The following FGF14 variants were observed in gnomAD, a reference collection of about 807,000 sequenced individuals.
FGF14 encodes the protein fibroblast growth factor homologous factor 4.
Under a neutral mutation model 25.5 loss-of-function variants are expected in FGF14, and 5 were observed. The observed-to-expected ratio is 0.20, with a 90% CI of 0.10 to 0.41. The LOEUF (loss-of-function observed/expected upper bound fraction) is 0.41, where lower values mean the gene tolerates loss of function less well. Among genes scored for constraint, FGF14 ranks in the 10% least tolerant of loss-of-function variants. The probability of loss-of-function intolerance (pLI) is 1.00; values close to 1 mark genes in which losing one functional copy is unlikely to be tolerated. For missense variants in FGF14, 222 were observed against 320.1 expected, an observed-to-expected ratio of 0.69 and a Z score of 2.34; for synonymous variants, 138 against 118.3, an observed-to-expected ratio of 1.17 and a Z score of -1.08.
intron 3 of FGF14, among the ~76,000 whole-genome samples, chr13:101,762,659 T>G (rs1427352510): frequency 6.6e-6 from 1 of 152,176 alleles, no homozygotes; most frequent in East Asian, 1.9e-4. Flanking sequence ...CTGCAAATGC[T>G]CCCTTAGTTG....
At chr13:102,248,673 G>A (rs183397480) in intron 1 of FGF14, among the ~76,000 whole-genome samples, 4 of 152,244 alleles carry the variant, frequency 2.6e-5, no homozygotes, top group Admixed American at 6.5e-5. Context: ...ATTGTGAGCC[G>A]TGTATTTTGC....
chr13:101,886,767 A>T (rs902103233), intron 1 of FGF14, among the ~76,000 whole-genome samples: 1 of 152,154 alleles, frequency 6.6e-6, no homozygotes, highest in African/African-American at 2.4e-5. Context: ...CAACCTACAG[A>T]ATGAGAAAAT....
chr13:102,399,622 G>C (rs2058656256), intron 1 of FGF14, among the ~76,000 whole-genome samples: 1 of 152,166 alleles, frequency 6.6e-6, no homozygotes, highest in Non-Finnish European at 1.5e-5. Context: ...GTACATCTTG[G>C]GGTACACTTC....
chr13:102,309,437 G>A (rs7331161), intron 1 of FGF14, among the ~76,000 whole-genome samples: 3,019 of 152,262 alleles, frequency 0.02, 93 homozygotes, highest in African/African-American at 0.069. Context: ...CCTGGGAAGT[G>A]CAGTTTTATA....
intron 1 of FGF14, among the ~76,000 whole-genome samples, chr13:101,901,760 C>T (rs898197318): frequency 6.6e-6 from 1 of 151,968 alleles, no homozygotes; most frequent in Non-Finnish European, 1.5e-5. Flanking sequence ...AACAGATACG[C>T]GAGGAGTTTG....
At chr13:102,310,596 G>C (rs1241544689) in intron 1 of FGF14, among the ~76,000 whole-genome samples, 2 of 150,478 alleles carry the variant, frequency 1.3e-5, no homozygotes, top group East Asian at 2.0e-4. Context: ...TGGGCCAGGA[G>C]ATAGAGGGAG....
intron 1 of FGF14, among the ~76,000 whole-genome samples, chr13:102,166,883 G>T (rs1280007112): frequency 6.6e-6 from 1 of 152,128 alleles, no homozygotes; most frequent in Non-Finnish European, 1.5e-5. Flanking sequence ...TTCAGTATTT[G>T]CTAATTCACT....
At position 101,715,241 on chromosome 13, in the gene FGF14, T is replaced by G. The variant is rs2034663786; in HGVS notation, c.*7590A>C. The G allele has an allele frequency of 4.3e-6, 1 of 233,116 alleles. No individual in the cohort carries two copies. Among genetic ancestry groups the G allele is most frequent in the Non-Finnish European group, 8.4e-6 (1 of 118,446 alleles). 14.4% of individuals were successfully genotyped at this position (233,116 alleles called of 1,614,324 possible). On this transcript the variant is annotated 3_prime_UTR_variant, in exon 5 of 5. Coordinates refer to ENST00000376143, the MANE Select transcript of FGF14 (RefSeq NM_004115.4). ...TGTTATGTCAAAGAGCCTTATGTTT[T>G]TCTGTATTTATTCATAAGTCAGATA... is the stretch of plus-strand genomic sequence containing the variant.
intron 1 of FGF14, among the ~76,000 whole-genome samples, chr13:102,141,291 T>C (rs1318739346): frequency 2.6e-5 from 4 of 152,180 alleles, no homozygotes; most frequent in Non-Finnish European, 4.4e-5. Flanking sequence ...GTACACCCAG[T>C]AGATGTTCAG....
At chr13:101,859,743 C>T (rs1030328098) in intron 3 of FGF14, among the ~76,000 whole-genome samples, 1 of 152,032 alleles carries the variant, frequency 6.6e-6, no homozygotes, top group African/African-American at 2.4e-5. Context: ...ACTGTCCACA[C>T]TGGACATGGA....
chr13:102,195,538 C>G (rs1242316640), intron 1 of FGF14, among the ~76,000 whole-genome samples: 1 of 151,462 alleles, frequency 6.6e-6, no homozygotes, highest in Non-Finnish European at 1.5e-5. Flanking sequence ...TACTAGAAAA[C>G]ATCTATTTAG....
At chr13:102,158,360 G>A (rs1175055277) in intron 1 of FGF14, among the ~76,000 whole-genome samples, 1 of 152,250 alleles carries the variant, frequency 6.6e-6, no homozygotes, top group South Asian at 2.1e-4. Context: ...ATGAGTTCAC[G>A]TCCTTTGCAG....
At chr13:102,259,867 T>C (rs979670234) in intron 1 of FGF14, among the ~76,000 whole-genome samples, 1 of 152,354 alleles carries the variant, frequency 6.6e-6, no homozygotes, top group African/African-American at 2.4e-5. Flanking sequence ...CATTGCTTTA[T>C]GTCTTTGCTC....
intron 1 of FGF14, among the ~76,000 whole-genome samples, chr13:101,924,978 G>C (rs930423571): frequency 6.6e-6 from 1 of 152,136 alleles, no homozygotes; most frequent in Admixed American, 6.5e-5. Flanking sequence ...CTGAAAAAAA[G>C]GTGTGCATGT....
intron 1 of FGF14, among the ~76,000 whole-genome samples, chr13:102,311,492 AT>A (rs1263624917): frequency 6.6e-6 from 1 of 152,120 alleles, no homozygotes; most frequent in Non-Finnish European, 1.5e-5. Flanking sequence ...AATCGGGCCG[AT>A]TTAAAAGTCA....
intron 1 of FGF14, among the ~76,000 whole-genome samples, chr13:102,215,408 A>AT (rs1020081449): frequency 3.3e-5 from 5 of 152,218 alleles, no homozygotes; most frequent in East Asian, 3.9e-4. Context: ...TTACTCCTTT[A>AT]TTTTTTTCTC....
chr13:102,356,793 C>T (rs1447288854), intron 1 of FGF14, among the ~76,000 whole-genome samples: 2 of 151,768 alleles, frequency 1.3e-5, no homozygotes, highest in African/African-American at 4.8e-5. Flanking sequence ...TTCTGGAATA[C>T]CCAGCAGCTG....
intron 1 of FGF14, among the ~76,000 whole-genome samples, chr13:102,191,771 G>A (rs576994726): frequency 1.3e-5 from 2 of 152,140 alleles, no homozygotes; most frequent in South Asian, 4.2e-4. Context: ...TCAAATATAA[G>A]TAAGCCTTAT....
intron 1 of FGF14, among the ~76,000 whole-genome samples, chr13:102,204,695 CA>C: frequency 6.6e-6 from 1 of 152,034 alleles, no homozygotes; most frequent in Non-Finnish European, 1.5e-5. Flanking sequence ...TACAGGCATG[CA>C]CCACCACGCC....
Sources: allele counts gnomAD v4.1 joint callset (sites outside exome capture counted in the v4.1 genomes callset), GRCh38; gene constraint gnomAD v4.1.1; transcripts MANE v1.5; gene names NCBI Gene and HGNC (gene_info 2026-07-23, HGNC 2026-07-21).